The following SYNE1 variants were observed in gnomAD, a reference collection of about 807,000 sequenced individuals.
SYNE1 encodes the protein nesprin-1.
A neutral mutation model predicts 1,111.0 loss-of-function variants in SYNE1; 616 were observed. The observed-to-expected ratio is 0.55, with a 90% CI of 0.52 to 0.59. The LOEUF is 0.59. Among genes scored for constraint, SYNE1 ranks in the 20% least tolerant of loss-of-function variants. The pLI, the probability that SYNE1 is intolerant of heterozygous loss-of-function variation, is 0.00. For synonymous variants in SYNE1, 3,855 were observed against 3,825.8 expected, an observed-to-expected ratio of 1.01 and a Z score of -0.28; for missense variants, 10,006 against 10,417.0, an observed-to-expected ratio of 0.96 and a Z score of 1.72.
chr6:152,421,102 C>A (rs1365906361), intron 39 of SYNE1, among the ~76,000 whole-genome samples: 1 of 152,152 alleles, frequency 6.6e-6, no homozygotes, highest in Admixed American at 6.6e-5. Context: ...CAATGAAAAG[C>A]CCTTGGGAAG....
intron 72 of SYNE1, among the ~76,000 whole-genome samples, 172 bp from the exon 73 acceptor site, chr6:152,347,407 A>G (rs972802932): frequency 1.3e-5 from 2 of 152,160 alleles, no homozygotes; most frequent in Non-Finnish European, 2.9e-5. Context: ...TTTCAGGGAT[A>G]CTCCAAGAGG....
At chr6:152,267,114 A>G (rs2092791516) in intron 100 of SYNE1, among the ~76,000 whole-genome samples, 1 of 152,164 alleles carries the variant, frequency 6.6e-6, no homozygotes, top group African/African-American at 2.4e-5. Context: ...GTGAGCATTT[A>G]TGTCTTTTTA....
intron 131 of SYNE1, among the ~76,000 whole-genome samples, chr6:152,162,502 ATACCCGC>A (rs1195167679): frequency 6.6e-6 from 1 of 152,152 alleles, no homozygotes; most frequent in African/African-American, 2.4e-5. Flanking sequence ...TGAAATTACG[ATACCCGC>A]CATTTGCATT....
At chr6:152,430,817 G>A (rs2098421848) in intron 34 of SYNE1, 108 bp from the exon 35 acceptor site, 1 of 1,093,308 alleles carries the variant, frequency 9.1e-7, no homozygotes, top group African/African-American at 1.5e-5. Flanking sequence ...GATATTTGAA[G>A]ACTTGGATGG....
chr6:152,170,307 G>A (rs1467206303), intron 130 of SYNE1, among the ~76,000 whole-genome samples: 1 of 152,198 alleles, frequency 6.6e-6, no homozygotes, highest in African/African-American at 2.4e-5. Flanking sequence ...GGAATACTCT[G>A]CAGGTTTCTA....
At chr6:152,360,357 C>T (rs1246991555) in intron 64 of SYNE1, among the ~76,000 whole-genome samples, 1 of 152,130 alleles carries the variant, frequency 6.6e-6, no homozygotes, top group Non-Finnish European at 1.5e-5. Context: ...GGCCCGAGGA[C>T]CTGCTTTTTA....
At chr6:152,158,665 CTT>C (rs1213206390) in intron 131 of SYNE1, among the ~76,000 whole-genome samples, 1 of 152,098 alleles carries the variant, frequency 6.6e-6, no homozygotes, top group Admixed American at 6.5e-5. Context: ...AAAAATTAAA[CTT>C]AGTATTTGCT....
In SYNE1 at chr6:152,140,239, G is replaced by C. The variant is rs1403657413; in HGVS notation, c.25247-78C>G. 2.7e-6 allele frequency: 4 copies of C among 1,467,356 alleles called. No individual in the cohort carries two copies. In the African/African-American group the frequency reaches 5.6e-5, roughly 20 times the overall value. The allele number at this position is 1,467,356 out of a possible 1,614,324, so 90.9% of individuals were successfully genotyped here. ...TATGAAATGCTTTAAACATAGGTTG[G>C]CAGCCAATTTTAAATAGCAACAGAA... On this transcript the variant is annotated intron_variant, in intron 139 of 145. Transcript: ENST00000367255.
At chr6:152,319,519 C>T (rs2095820272) in intron 84 of SYNE1, among the ~76,000 whole-genome samples, 1 of 152,130 alleles carries the variant, frequency 6.6e-6, no homozygotes, top group Admixed American at 6.5e-5. Flanking sequence ...GCCAACCAAG[C>T]ATTAAGTACA....
intron 3 of SYNE1, among the ~76,000 whole-genome samples, chr6:152,582,918 G>T (rs1282856167): frequency 6.6e-6 from 1 of 151,962 alleles, no homozygotes; most frequent in Non-Finnish European, 1.5e-5. Flanking sequence ...GTAGAAGGTT[G>T]CAATCATATT....
chr6:152,618,681 G>A (rs2099667770), intron 3 of SYNE1, among the ~76,000 whole-genome samples: 2 of 152,072 alleles, frequency 1.3e-5, no homozygotes, highest in African/African-American at 4.8e-5. Flanking sequence ...AAACAAAAAA[G>A]AACATAAGTT....
chr6:152,196,594 G>A (rs1185485542), intron 127 of SYNE1, among the ~76,000 whole-genome samples: 1 of 152,014 alleles, frequency 6.6e-6, no homozygotes, highest in Non-Finnish European at 1.5e-5. Context: ...GGCATGGAAT[G>A]AAGGCTTCAT....
chr6:152,344,345 C>A lies in SYNE1; in HGVS notation c.12079-118G>T, dbSNP rs371638682. On this transcript the variant is annotated intron_variant, in intron 73 of 145. Transcript: ENST00000367255. ...AATGGATTTTCCCCCCAAGATTCTG[C>A]AATTTCATCTAATATCTAAGGCAGT... 386 of 1,475,408 alleles carry A rather than the reference C, an allele frequency of 2.6e-4. 1 individual carries two copies. In the African/African-American group the frequency reaches 5.1e-3, roughly 19 times the overall value. 91.4% of individuals were successfully genotyped at this position (1,475,408 alleles called of 1,614,324 possible).
chr6:152,284,081 G>T lies in SYNE1; in HGVS notation c.18104C>A (p.Ala6035Asp). The T allele has an allele frequency of 1.2e-6, 2 of 1,614,184 alleles. No individual in the cohort carries two copies. The highest frequency in any genetic ancestry group is 1.7e-6 in the Non-Finnish European group (2 of 1,180,020). The change falls in exon 96 of 146, where the codon GCC becomes GAC. Residue 6035 changes from alanine to aspartate, a missense_variant. Ala to Asp is a moderately radical substitution (Grantham distance 126). This residue lies in a region of SYNE1 where 4,955 missense variants were observed against 5,017.2 expected (regional missense o/e 0.99). Coordinates refer to ENST00000367255, the MANE Select transcript of SYNE1 (RefSeq NM_182961.4). ...AEELVSESCEADPAEQLALQS... is the reference protein window; with the variant it reads ...AEELVSESCEDDPAEQLALQS... ...CAAGGCCAGCTGCTCCGCAGGGTCG[G>T]CCTCACAAGACTCGGATACCAGCTC...
intron 127 of SYNE1, among the ~76,000 whole-genome samples, chr6:152,190,860 T>C (rs1428471063): frequency 3.3e-5 from 5 of 152,214 alleles, no homozygotes; most frequent in Non-Finnish European, 7.3e-5. Context: ...TTCCAGATCT[T>C]AGAGGAAAGG....
chr6:152,200,577 T>C (rs189963285), intron 127 of SYNE1, among the ~76,000 whole-genome samples: 53 of 152,274 alleles, frequency 3.5e-4, no homozygotes, highest in Admixed American at 3.1e-3. Flanking sequence ...TTAAATTTCT[T>C]TAGATATGGA....
rs1043458819 is a variant in SYNE1, at chr6:152,393,880, G to C, written c.7712+1636C>G. 2.6e-4 allele frequency among the ~76,000 whole-genome samples: 39 copies of C among 152,092 alleles called. 2 individuals carry two copies. The highest frequency in any genetic ancestry group is 3.3e-4 in the Admixed American group (5 of 15,272). On this transcript the variant is annotated intron_variant, in intron 51 of 145. Coordinates refer to ENST00000367255, the MANE Select transcript of SYNE1 (RefSeq NM_182961.4). The stretch of plus-strand genomic sequence containing the variant: ...CTGGGATACATGTGCAGAATGTGCA[G>C]GTTTGTTACATAGGTATACAAGTGC...
At chr6:152,563,075 C>CAT (rs1484187802) in intron 3 of SYNE1, among the ~76,000 whole-genome samples, 3 of 151,870 alleles carry the variant, frequency 2.0e-5, no homozygotes, top group Admixed American at 6.6e-5. Context: ...CACACACACA[C>CAT]AGAAAGAGAA....
At chr6:152,217,116 A>ATTT (rs1563599396) in intron 121 of SYNE1, among the ~76,000 whole-genome samples, 21 of 52,084 alleles carry the variant, frequency 4.0e-4, no homozygotes, top group African/African-American at 1.5e-3. Context: ...TTTTTTTTTA[A>ATTT]AAAAGTATTA....
Sources: gnomAD v4.1 joint callset for allele counts (sites outside exome capture counted in the v4.1 genomes callset) on GRCh38, gnomAD v4.1.1 for gene constraint, gnomAD v4.1.1 regional missense constraint, MANE v1.5 for transcripts, NCBI Gene and HGNC (gene_info 2026-07-23, HGNC 2026-07-21) for gene names.